The following NECTIN3 variants were observed in gnomAD, a reference collection of about 807,000 sequenced individuals.
NECTIN3 encodes nectin-3.
NECTIN3 carries 8 observed loss-of-function variants against 49.4 expected under a neutral mutation model. The observed-to-expected ratio is 0.16, with a 90% CI of 0.10 to 0.29. The LOEUF is 0.29. Among genes scored for constraint, NECTIN3 ranks in the 10% least tolerant of loss-of-function variants. NECTIN3 has a pLI of 1.00. For synonymous variants in NECTIN3, 277 were observed against 241.1 expected (o/e 1.15, Z -1.38); for missense variants, 581 against 654.6 (o/e 0.89, Z 1.23).
rs1269195239 is a variant in NECTIN3, at chr3:111,193,360, C to T, written c.63+947C>T. 4 of 1,534,318 alleles carry T rather than the reference C, an allele frequency of 2.6e-6. No homozygotes were observed. In the East Asian group the frequency reaches 9.8e-5, roughly 38 times the overall value. ...GACCCTAAGAGAGTCTACATCGACC[C>T]ACGAGAACATTATGTGTGATTTTTC... On this transcript the variant is annotated intron_variant, in intron 1 of 1. Coordinates refer to the NECTIN3 transcript ENST00000485506.
chr3:111,083,780 CAGAACCAT>C (rs2031770614), intron 1 of NECTIN3, among the ~76,000 whole-genome samples: 1 of 152,130 alleles, frequency 6.6e-6, no homozygotes, highest in Non-Finnish European at 1.5e-5. Context: ...GAACTATATC[CAGAACCAT>C]AGCTAAGATA....
At chr3:111,083,328 T>C (rs1044672501) in intron 1 of NECTIN3, among the ~76,000 whole-genome samples, 4 of 152,160 alleles carry the variant, frequency 2.6e-5, no homozygotes, top group Admixed American at 1.3e-4. Flanking sequence ...CAAATCCATA[T>C]GTTGAGCTCG....
rs74986982 is a variant in NECTIN3 at position 111,117,299 on chromosome 3, T to C, written c.503-1357T>C. Among the ~76,000 whole-genome samples the C allele has an allele frequency of 5.7e-3, 864 of 152,242 alleles. 4 individuals carry two copies. Among genetic ancestry groups the C allele is most frequent in the Non-Finnish European group, 9.7e-3 (661 of 67,958 alleles). On this transcript the variant is annotated intron_variant, in intron 2 of 5. Transcript: ENST00000485303. ...CAGAAACAGGCTAAACTGTGTTGTTTAGATTTGCATGTGTTGGTTGTAGAA... is the reference window on the plus strand; with the variant it reads ...CAGAAACAGGCTAAACTGTGTTGTTCAGATTTGCATGTGTTGGTTGTAGAA...
At chr3:111,110,994 A>G (rs1164559618) in intron 1 of NECTIN3, among the ~76,000 whole-genome samples, 1 of 152,032 alleles carries the variant, frequency 6.6e-6, no homozygotes, top group Non-Finnish European at 1.5e-5. Context: ...GCATTTCTGT[A>G]TTCATTTAAA....
intron 7 of NECTIN3, among the ~76,000 whole-genome samples, chr3:111,154,792 G>A (rs1483156770): frequency 6.6e-6 from 1 of 151,998 alleles, no homozygotes; most frequent in African/African-American, 2.4e-5. Flanking sequence ...ATATTCTTTG[G>A]TGAAATATCT....
chr3:111,176,560 GTTAATA>G (rs2035532081), intron 7 of NECTIN3, among the ~76,000 whole-genome samples: 1 of 152,106 alleles, frequency 6.6e-6, no homozygotes, highest in African/African-American at 2.4e-5. Context: ...GTTCCTGAAA[GTTAATA>G]TTAACTTTCC....
At chr3:111,128,279 G>A (rs1419212908) in intron 5 of NECTIN3, among the ~76,000 whole-genome samples, 1 of 150,766 alleles carries the variant, frequency 6.6e-6, no homozygotes, top group African/African-American at 2.4e-5. Flanking sequence ...AGAGATTGCA[G>A]TGAGCCCAGA....
intron 7 of NECTIN3, among the ~76,000 whole-genome samples, chr3:111,171,221 G>A (rs1292658334): frequency 6.6e-6 from 1 of 152,164 alleles, no homozygotes; most frequent in Non-Finnish European, 1.5e-5. Flanking sequence ...ATTAGAACCT[G>A]TGCAGTCTAG....
At chr3:111,193,084 G>T in intron 1 of NECTIN3, 2 of 879,162 alleles carry the variant, frequency 2.3e-6, no homozygotes, top group Non-Finnish European at 3.4e-6. Flanking sequence ...AATAGTTTTT[G>T]GCATAATGAA....
At chr3:111,193,310 C>G (rs775606488) in intron 1 of NECTIN3, 1 of 1,535,808 alleles carries the variant, frequency 6.5e-7, no homozygotes. Flanking sequence ...AAGACCGGAG[C>G]CCTGGCAAAC....
In NECTIN3 at chr3:111,161,953, C is replaced by G. The variant is rs1439671374; in HGVS notation, c.1221+14469C>G. Among the ~76,000 whole-genome samples, 3 of 152,184 alleles carry G rather than the reference C, an allele frequency of 2.0e-5. No individual in the cohort carries two copies. The East Asian group carries it at 5.8e-4, about 29-fold the overall frequency. On this transcript the variant is annotated intron_variant, in intron 7 of 8. Coordinates refer to the NECTIN3 transcript ENST00000493615. ...TTTCCGTCAGCCAGCCAACCTGTTA[C>G]AGCCACTACCAGCCACTCTAATACA...
At chr3:111,169,149 G>A (rs1367750265) in intron 7 of NECTIN3, among the ~76,000 whole-genome samples, 4 of 142,774 alleles carry the variant, frequency 2.8e-5, no homozygotes, top group African/African-American at 1.1e-4. Flanking sequence ...GAGTGCAGTG[G>A]CGCAATCTTG....
At chr3:111,110,367 A>G (rs560136654) in intron 1 of NECTIN3, among the ~76,000 whole-genome samples, 1 of 152,192 alleles carries the variant, frequency 6.6e-6, no homozygotes, top group South Asian at 2.1e-4. Flanking sequence ...TTTTTAAATC[A>G]GATAGTAAAT....
At chr3:111,156,548 A>G (rs544506547) in intron 7 of NECTIN3, among the ~76,000 whole-genome samples, 2 of 151,620 alleles carry the variant, frequency 1.3e-5, no homozygotes, top group Non-Finnish European at 2.9e-5. Context: ...ATGGAAAAAC[A>G]TTCAAAAGGA....
Position 111,134,097 on chromosome 3 carries a change from A to T in NECTIN3, c.1532A>T (p.Tyr511Phe), listed in dbSNP as rs768645942. The change falls in exon 6 of 6, where the codon TAT becomes TTT. Residue 511 changes from tyrosine (Y) to phenylalanine (F), a missense_variant. By Grantham distance (22) the Tyr-to-Phe change is conservative. Around this residue, in one of 3 missense-constraint regions of NECTIN3, gnomAD observed 238 missense variants for 244.9 expected, o/e 0.97. Transcript: ENST00000485303. The part of the protein sequence containing the change: ...LNRFERPMDY[Y>F]EDLKMGMKFV... ...AGGTTTGAAAGACCAATGGATTATT[A>T]TGAAGATCTAAAAATGGGAATGAAG... 6.2e-7 allele frequency: 1 copy of T among 1,613,682 alleles called. No individual in the cohort carries two copies. The highest frequency in any genetic ancestry group is 8.5e-7 in the Non-Finnish European group (1 of 1,179,706).
intron 2 of NECTIN3, among the ~76,000 whole-genome samples, chr3:111,116,782 A>G (rs1320444919): frequency 6.6e-6 from 1 of 152,094 alleles, no homozygotes. Context: ...TATTAAAAAT[A>G]AAATCTCAGT....
rs2034478483 is a variant in NECTIN3, at chr3:111,133,822, A to C, written c.1257A>C (p.Val419=). 6.2e-7 allele frequency: 1 copy of C among 1,613,964 alleles called. No homozygotes were observed. Among genetic ancestry groups the C allele is most frequent in the African/African-American group, 1.3e-5 (1 of 75,030 alleles). ...VVGGALFIVL[V]SVLAGIFCYR... is the part of the protein sequence containing the mutation. ...GTGGGGCTCTCTTCATAGTACTTGT[A>C]AGTGTTTTGGCTGGAATATTCTGCT... is the stretch of plus-strand genomic sequence containing the variant. Residue 419 remains valine (V), a synonymous_variant, in exon 6 of 6, where the codon GTA becomes GTC. Transcript: ENST00000485303.
rs1312780647 is a variant in NECTIN3 at position 111,133,646 on chromosome 3, A to G, written c.1081A>G (p.Thr361Ala). 4 of 1,613,052 alleles carry G rather than the reference A, an allele frequency of 2.5e-6. No individual in the cohort carries two copies. Among genetic ancestry groups the G allele is most frequent in the Non-Finnish European group, 3.4e-6 (4 of 1,179,514 alleles). Residue 361 changes from threonine (T) to alanine (A), a missense_variant, in exon 6 of 6, where the codon ACT (threonine) becomes GCT (alanine). Around this residue, in one of 3 missense-constraint regions of NECTIN3, gnomAD observed 238 missense variants for 244.9 expected, o/e 0.97. Coordinates refer to ENST00000485303, the MANE Select transcript of NECTIN3 (RefSeq NM_015480.3). ...KVIYISDPPTTTTLQPTIQWH... is the reference protein window; with the variant it reads ...KVIYISDPPTATTLQPTIQWH... ...ACTGTTTCCATTAGATCCTCCTACT[A>G]CTACCACCCTTCAGCCTACAATTCA...
intron 5 of NECTIN3, among the ~76,000 whole-genome samples, chr3:111,143,640 G>A (rs2034804165): frequency 6.6e-6 from 1 of 151,690 alleles, no homozygotes; most frequent in Non-Finnish European, 1.5e-5. Flanking sequence ...GCCGTGTCTG[G>A]GTCCCAACAA....
Sources: gnomAD v4.1 joint callset for allele counts (sites outside exome capture counted in the v4.1 genomes callset) on GRCh38, gnomAD v4.1.1 for gene constraint, gnomAD v4.1.1 regional missense constraint, MANE v1.5 for transcripts, NCBI Gene and HGNC (gene_info 2026-07-23, HGNC 2026-07-21) for gene names.